Variants in CDH20 observed in about 807,000 individuals in gnomAD.
The protein encoded by CDH20 is cadherin 20.
Under a neutral mutation model 74.2 loss-of-function variants are expected in CDH20, and 29 were observed. That is an observed-to-expected ratio of 0.39 (90% CI 0.29 to 0.53). The LOEUF (loss-of-function observed/expected upper bound fraction) is 0.53, where lower values mean the gene tolerates loss of function less well. Among genes scored for constraint, CDH20 ranks in the 20% least tolerant of loss-of-function variants. The pLI is 0.69. For synonymous variants in CDH20, 469 were observed against 405.4 expected, an observed-to-expected ratio of 1.16 and a Z score of -1.88; for missense variants, 988 against 1,048.3, an observed-to-expected ratio of 0.94 and a Z score of 0.79.
At chr18:61,462,724 A>T (rs63209061) in intron 1 of CDH20, among the ~76,000 whole-genome samples, 6 of 81,528 alleles carry the variant, frequency 7.4e-5, no homozygotes, top group African/African-American at 3.6e-4. Context: ...AAAAAAAAAA[A>T]GGGGGGGGGG....
At chr18:61,404,788 A>C in intron 1 of CDH20, 1 of 325,676 alleles carries the variant, frequency 3.1e-6, no homozygotes, top group Non-Finnish European at 5.3e-6. Flanking sequence ...ATTAAAAAAA[A>C]ATTGTCAACT....
chr18:61,402,588 A>G (rs1173095423), intron 1 of CDH20, among the ~76,000 whole-genome samples: 1 of 152,184 alleles, frequency 6.6e-6, no homozygotes, highest in African/African-American at 2.4e-5. Context: ...GCCTGATGGT[A>G]TTACAGTGAT....
chr18:61,407,925 G>T (rs1912382705), intron 1 of CDH20, among the ~76,000 whole-genome samples: 1 of 152,150 alleles, frequency 6.6e-6, no homozygotes. Context: ...AATTGAATAA[G>T]GCCTGTAGCT....
At position 61,411,633 on chromosome 18, in the gene CDH20, C is replaced by CCAAA. The variant is rs1555674511; in HGVS notation, c.-153+77808_-153+77809insAACA. On this transcript the variant is annotated intron_variant, in intron 1 of 11. Coordinates refer to ENST00000262717, the MANE Select transcript of CDH20 (RefSeq NM_031891.4). Reference sequence around the variant, plus strand: ...ATATATATATATGTGAGATATGTATCCACACACACACACACACACACACGC... The same window carrying CCAAA: ...ATATATATATATGTGAGATATGTATCCAAACACACACACACACACACACACACGC... Among the ~76,000 whole-genome samples, 4 of 143,216 alleles carry CCAAA rather than the reference C, an allele frequency of 2.8e-5. No individual in the cohort carries two copies. The South Asian group carries it at 6.8e-4, about 24-fold the overall frequency. 94.0% of individuals were successfully genotyped at this position (143,216 alleles called of 152,430 possible).
chr18:61,527,396 T>TAGATAGATAGATAGAC (rs1912462692), intron 6 of CDH20, among the ~76,000 whole-genome samples: 1 of 147,380 alleles, frequency 6.8e-6, no homozygotes, highest in Admixed American at 6.7e-5. Flanking sequence ...GATAGATAGA[T>TAGATAGATAGATAGAC]AGATAGATAG....
chr18:61,539,220 C>T, intron 9 of CDH20, 75 bp downstream of exon 9: 1 of 1,461,674 alleles, frequency 6.8e-7, no homozygotes, highest in Non-Finnish European at 9.5e-7. Flanking sequence ...ACCAAATTCA[C>T]CATCAAAGCC....
At chr18:61,385,831 G>A (rs1209626856) in intron 1 of CDH20, among the ~76,000 whole-genome samples, 4 of 151,712 alleles carry the variant, frequency 2.6e-5, no homozygotes, top group Non-Finnish European at 5.9e-5. Flanking sequence ...TCAGGAGGCT[G>A]AGGCAGGAGA....
intron 1 of CDH20, among the ~76,000 whole-genome samples, chr18:61,395,760 C>T (rs1386155142): frequency 3.3e-5 from 5 of 152,236 alleles, no homozygotes; most frequent in East Asian, 1.9e-4. Context: ...CTTGGCCAGG[C>T]GCGGTGGCTT....
At chr18:61,408,205 GA>G (rs544852524) in intron 1 of CDH20, among the ~76,000 whole-genome samples, 75 of 151,772 alleles carry the variant, frequency 4.9e-4, no homozygotes, top group Non-Finnish European at 4.3e-4. Context: ...GGAGGCTAAT[GA>G]AAAAAAATGC....
Position 61,412,584 on chromosome 18 carries a change from G to A in CDH20, c.-152-77818G>A, listed in dbSNP as rs145441381. ...AGAATAGTCCAACAACCCATCTGCT[G>A]GAGAAGTATGGGTGGAGCAAAAGAC... On this transcript the variant is annotated intron_variant, in intron 1 of 11. Coordinates refer to ENST00000262717, the MANE Select transcript of CDH20 (RefSeq NM_031891.4). 2.9e-3 allele frequency among the ~76,000 whole-genome samples: 442 copies of A among 152,240 alleles called. 2 individuals are homozygous for A. Among genetic ancestry groups the A allele is most frequent in the African/African-American group, 0.01 (418 of 41,546 alleles).
intron 1 of CDH20, among the ~76,000 whole-genome samples, chr18:61,457,734 G>A (rs934033831): frequency 2.4e-4 from 36 of 151,988 alleles, no homozygotes; most frequent in Admixed American, 2.0e-3. Context: ...TATAAAATAC[G>A]TAAAATACGT....
At position 61,550,052 on chromosome 18, in the gene CDH20, C is replaced by G. The variant is rs749189698; in HGVS notation, c.1723C>G (p.Leu575Val). 1.9e-6 allele frequency: 3 copies of G among 1,614,218 alleles called. No homozygotes were observed. In the South Asian group the frequency reaches 3.3e-5, roughly 18 times the overall value. ...GCAGAGTGTCTTTCACCTGCCTATC[C>G]TGATAGCAGATAGCGGGCAGCCCGT... The part of the protein sequence containing the change: ...QEQSVFHLPI[L>V]IADSGQPVLS... The change falls in exon 11 of 12, where the codon CTG (leucine) becomes GTG (valine). Residue 575 changes from leucine to valine, a missense_variant. By Grantham distance (32) the Leu-to-Val change is conservative. Transcript: ENST00000262717.
At chr18:61,534,588 T>C (rs1377128708) in intron 7 of CDH20, among the ~76,000 whole-genome samples, 3 of 152,164 alleles carry the variant, frequency 2.0e-5, no homozygotes, top group African/African-American at 7.2e-5. Flanking sequence ...AAAGAAATTC[T>C]GTCATTTGCA....
intron 6 of CDH20, among the ~76,000 whole-genome samples, chr18:61,516,934 G>A (rs915431365): frequency 6.6e-6 from 1 of 152,060 alleles, no homozygotes; most frequent in African/African-American, 2.4e-5. Flanking sequence ...GGAAGTGAGG[G>A]AGACAATAAT....
chr18:61,347,742 C>T (rs1352853434), intron 1 of CDH20, among the ~76,000 whole-genome samples: 1 of 152,152 alleles, frequency 6.6e-6, no homozygotes, highest in African/African-American at 2.4e-5. Flanking sequence ...AACAGCCTCT[C>T]CTCAGAGGGC....
chr18:61,475,683 A>G (rs1027987000), intron 1 of CDH20, among the ~76,000 whole-genome samples: 4 of 152,212 alleles, frequency 2.6e-5, no homozygotes, highest in African/African-American at 9.7e-5. Flanking sequence ...ACTGTATAAT[A>G]GCATGTGTTA....
At chr18:61,549,875 T>G in intron 10 of CDH20, 103 bp from the exon 11 acceptor site, 3 of 1,206,680 alleles carry the variant, frequency 2.5e-6, no homozygotes, top group Non-Finnish European at 3.5e-6. Context: ...TATCTGACTA[T>G]CCTCTTTCCT....
At chr18:61,514,625 G>A in intron 6 of CDH20, among the ~76,000 whole-genome samples, 1 of 149,284 alleles carries the variant, frequency 6.7e-6, no homozygotes, top group Non-Finnish European at 1.5e-5. Flanking sequence ...CCCCATCTTT[G>A]TGGTTTTATC....
chr18:61,348,060 T>G (rs1660240436), intron 1 of CDH20, among the ~76,000 whole-genome samples: 1 of 152,224 alleles, frequency 6.6e-6, no homozygotes. Context: ...TTTTCAGAGC[T>G]ACCTGCCATC....
Sources: gnomAD v4.1 joint callset for allele counts (sites outside exome capture counted in the v4.1 genomes callset) on GRCh38, gnomAD v4.1.1 for gene constraint, MANE v1.5 for transcripts, NCBI Gene and HGNC (gene_info 2026-07-23, HGNC 2026-07-21) for gene names.